The following GPNMB variants were observed in gnomAD, a reference collection of about 807,000 sequenced individuals.
GPNMB encodes the protein glycoprotein nmb, also known as transmembrane glycoprotein NMB.
Under a neutral mutation model 57.3 loss-of-function variants are expected in GPNMB, and 71 were observed. The ratio of observed to expected loss-of-function variants is 1.24; its 90% confidence interval spans 1.02 to 1.51. The LOEUF is 1.51. Among genes scored for constraint, GPNMB ranks in the 40% most tolerant of loss-of-function variants. The pLI is 0.00. For synonymous variants in GPNMB, 253 were observed against 263.2 expected, an observed-to-expected ratio of 0.96 and a Z score of 0.38; for missense variants, 677 against 691.9, an observed-to-expected ratio of 0.98 and a Z score of 0.24.
chr7:23,266,865 T>G (rs1034439392), intron 7 of GPNMB, among the ~76,000 whole-genome samples: 3 of 152,232 alleles, frequency 2.0e-5, no homozygotes, highest in Non-Finnish European at 2.9e-5. Context: ...GAGCCTGCCC[T>G]GGGCCTGTAT....
chr7:23,255,346 G>A (rs1428894956), intron 3 of GPNMB, among the ~76,000 whole-genome samples: 1 of 152,142 alleles, frequency 6.6e-6, no homozygotes, highest in Non-Finnish European at 1.5e-5. Flanking sequence ...CTAGCTTATT[G>A]CACTTAACAT....
intron 6 of GPNMB, among the ~76,000 whole-genome samples, 156 bp downstream of exon 6, chr7:23,260,929 C>G (rs1258388907): frequency 6.6e-6 from 1 of 152,118 alleles, no homozygotes; most frequent in African/African-American, 2.4e-5. Flanking sequence ...AAGTTATCAC[C>G]ATTTTACACC....
At chr7:23,256,861 A>G in intron 3 of GPNMB, 31 bp from the exon 4 acceptor site, 1 of 1,593,528 alleles carries the variant, frequency 6.3e-7, no homozygotes, top group Non-Finnish European at 8.6e-7. Context: ...AGCCTAGATA[A>G]CACTCATGGC....
intron 7 of GPNMB, among the ~76,000 whole-genome samples, chr7:23,267,682 G>A (rs1005381904): frequency 2.0e-5 from 3 of 152,096 alleles, no homozygotes; most frequent in African/African-American, 4.8e-5. Context: ...ACTTTCATAA[G>A]GGCATTAATC....
Position 23,260,527 on chromosome 7 carries a change from G to T in GPNMB, c.772G>T (p.Asp258Tyr), listed in dbSNP as rs1782892124. The change falls in exon 6 of 11, where the codon GAT becomes TAT. Residue 258 changes from aspartate (D) to tyrosine (Y), a missense_variant. Asp to Tyr is a radical substitution (Grantham distance 160). Transcript: ENST00000258733. ...RNSSDETFLK[D>Y]LPIMFDVLIH... is the part of the protein sequence containing the mutation. The stretch of plus-strand genomic sequence containing the variant: ...TTCATCCGACGAAACCTTCCTCAAA[G>T]ATCTCCCCATTATGTTTGATGTCCT... 6.2e-7 allele frequency: 1 copy of T among 1,613,554 alleles called. No individual in the cohort carries two copies. Among genetic ancestry groups the T allele is most frequent in the Admixed American group, 1.7e-5 (1 of 60,002 alleles).
intron 8 of GPNMB, among the ~76,000 whole-genome samples, chr7:23,268,994 C>T (rs1403903695): frequency 2.0e-5 from 3 of 152,180 alleles, no homozygotes; most frequent in Non-Finnish European, 4.4e-5. Context: ...CTGTTCAAGT[C>T]CCAGCTCCAC....
intron 6 of GPNMB, 98 bp from the exon 7 acceptor site, chr7:23,266,418 TA>T: frequency 7.7e-7 from 1 of 1,291,874 alleles, no homozygotes; most frequent in Non-Finnish European, 1.1e-6. Context: ...GATATTTTTC[TA>T]AAAAGCAAAT....
In GPNMB at chr7:23,271,721, T is replaced by G. The variant is rs963301655; in HGVS notation, c.1429+1546T>G. On this transcript the variant is annotated intron_variant, in intron 9 of 10. Transcript: ENST00000258733. The stretch of plus-strand genomic sequence containing the variant: ...TGAGGTAGGAGAATAATTTGAACCC[T>G]GGAGGCAGAGGTTGCAGTGAGCTGA... Among the ~76,000 whole-genome samples, 31 of 151,888 alleles carry G rather than the reference T, an allele frequency of 2.0e-4. 1 individual carries two copies. The highest frequency in any genetic ancestry group is 5.1e-4 in the African/African-American group (21 of 41,420).
intron 3 of GPNMB, among the ~76,000 whole-genome samples, chr7:23,256,554 A>G (rs1490437359): frequency 6.6e-6 from 1 of 152,198 alleles, no homozygotes; most frequent in East Asian, 1.9e-4. Context: ...CTACAGAAAG[A>G]GGTGTGTCAA....
At chr7:23,271,783 G>A (rs571180599) in intron 9 of GPNMB, among the ~76,000 whole-genome samples, 1 of 151,998 alleles carries the variant, frequency 6.6e-6, no homozygotes, top group African/African-American at 2.4e-5. Flanking sequence ...CCAACAGAGT[G>A]AGACTCCATC....
chr7:23,273,934 A>T (rs984172112), intron 10 of GPNMB, 131 bp from the exon 11 acceptor site: 3 of 663,072 alleles, frequency 4.5e-6, no homozygotes, highest in Non-Finnish European at 7.7e-6. Flanking sequence ...ATAAGACACC[A>T]GTGTCTTGCA....
intron 3 of GPNMB, among the ~76,000 whole-genome samples, chr7:23,255,338 A>G (rs1282391568): frequency 2.0e-5 from 3 of 152,188 alleles, no homozygotes; most frequent in Non-Finnish European, 4.4e-5. Context: ...TTCTATGCCT[A>G]GCTTATTGCA....
chr7:23,253,088 C>A (rs1377080295), intron 1 of GPNMB, among the ~76,000 whole-genome samples: 2 of 152,088 alleles, frequency 1.3e-5, no homozygotes, highest in African/African-American at 2.4e-5. Flanking sequence ...CAAAATTTTT[C>A]TTTGATTCAT....
chr7:23,268,601 C>T (rs1425745913), intron 8 of GPNMB, among the ~76,000 whole-genome samples: 1 of 152,112 alleles, frequency 6.6e-6, no homozygotes, highest in East Asian at 1.9e-4. Flanking sequence ...ACTAAATATA[C>T]ATTAGCAAAT....
At chr7:23,264,611 A>C (rs1276299224) in intron 6 of GPNMB, among the ~76,000 whole-genome samples, 2 of 152,098 alleles carry the variant, frequency 1.3e-5, no homozygotes, top group Non-Finnish European at 2.9e-5. Flanking sequence ...TCCTGACCTC[A>C]AGTGATCCAC....
intron 9 of GPNMB, 69 bp from the exon 10 acceptor site, chr7:23,273,452 A>T: frequency 1.0e-6 from 1 of 956,198 alleles, no homozygotes; most frequent in Non-Finnish European, 1.7e-6. Flanking sequence ...TCATTTATTT[A>T]ATGGCATTAT....
chr7:23,247,106 C>A, intron 1 of GPNMB, 179 bp downstream of exon 1: 1 of 618,020 alleles, frequency 1.6e-6, no homozygotes, highest in Non-Finnish European at 2.9e-6. Context: ...CAAAATGCCT[C>A]CAGCTCCATT....
Position 23,253,470 on chromosome 7 carries a change from A to C in GPNMB, c.223+11A>C. 1 of 1,611,566 alleles carries C rather than the reference A, an allele frequency of 6.2e-7. No individual in the cohort carries two copies. The highest frequency in any genetic ancestry group is 8.5e-7 in the Non-Finnish European group (1 of 1,178,204). ...AAAACTCCTGGAAGGGTAAGTCAAA[A>C]GATTCAAACCAAACACCTGCAATTT... On this transcript the variant is annotated intron_variant, in intron 2 of 10. Coordinates refer to ENST00000258733, the MANE Select transcript of GPNMB (RefSeq NM_002510.3).
Position 23,270,052 on chromosome 7 carries a change from G to T in GPNMB, c.1306G>T (p.Glu436Ter), listed in dbSNP as rs1217410157. The T allele has an allele frequency of 8.7e-6, 14 of 1,613,954 alleles. No individual in the cohort carries two copies. Among genetic ancestry groups the T allele is most frequent in the Non-Finnish European group, 1.2e-5 (14 of 1,179,954 alleles). Reference protein sequence around the residue: ...NTVCSPVDVDEMCLLTVRRTF... With the variant: ...NTVCSPVDVD Reference sequence around the variant, plus strand: ...AGTCTGCAGCCCTGTGGATGTGGATGAGATGTGTCTGCTGACTGTGAGACG... The same window carrying T: ...AGTCTGCAGCCCTGTGGATGTGGATTAGATGTGTCTGCTGACTGTGAGACG... Residue 436 changes from glutamate to a stop codon, truncating the protein, a stop_gained, in exon 9 of 11, where the codon GAG becomes TAG. Transcript: ENST00000258733. LOFTEE classifies it high-confidence loss of function.
Sources: allele counts gnomAD v4.1 joint callset (sites outside exome capture counted in the v4.1 genomes callset), GRCh38; gene constraint gnomAD v4.1.1; transcripts MANE v1.5; gene names NCBI Gene and HGNC (gene_info 2026-07-23, HGNC 2026-07-21).